The following AGMO variants were observed in gnomAD, a reference collection of about 807,000 sequenced individuals.
The protein encoded by AGMO is glyceryl-ether monooxygenase.
A neutral mutation model predicts 60.2 loss-of-function variants in AGMO; 75 were observed. The ratio of observed to expected loss-of-function variants is 1.25; its 90% CI spans 1.03 to 1.51. The LOEUF is 1.51. Ranked by LOEUF, AGMO falls within the 40% of genes most tolerant of loss-of-function variation. The probability of loss-of-function intolerance (pLI) is 0.00; values close to 1 mark genes in which losing one functional copy is unlikely to be tolerated. For missense variants in AGMO, 763 were observed against 525.5 expected (o/e 1.45, Z -4.42); for synonymous variants, 261 against 177.1 (o/e 1.47, Z -3.76).
At chr7:15,328,236 T>C (rs1419650118) in intron 12 of AGMO, among the ~76,000 whole-genome samples, 7 of 152,116 alleles carry the variant, frequency 4.6e-5, no homozygotes, top group Non-Finnish European at 8.8e-5. Context: ...TAGCTGGGAT[T>C]GCAGGTGTGT....
chr7:15,353,589 A>T (rs1782340945), intron 12 of AGMO, among the ~76,000 whole-genome samples: 1 of 152,222 alleles, frequency 6.6e-6, no homozygotes. Flanking sequence ...CTTTTTTAAA[A>T]AACTCAGTAT....
chr7:15,150,130 G>C, the AGMO span, among the ~76,000 whole-genome samples: 1 of 151,956 alleles, frequency 6.6e-6, no homozygotes, highest in Non-Finnish European at 1.5e-5. Context: ...GCATAGAAAT[G>C]CTACTGATTT....
intron 3 of AGMO, among the ~76,000 whole-genome samples, chr7:15,474,101 A>T (rs1782525031): frequency 2.0e-5 from 3 of 152,186 alleles, no homozygotes; most frequent in Admixed American, 2.0e-4. Flanking sequence ...GGAAGAATCA[A>T]TATTGTGAAA....
chr7:15,235,916 A>T (rs1782404011), intron 12 of AGMO, among the ~76,000 whole-genome samples: 1 of 152,180 alleles, frequency 6.6e-6, no homozygotes, highest in Non-Finnish European at 1.5e-5. Flanking sequence ...TTCTACAGAA[A>T]TTCCCCACCA....
At chr7:15,557,659 C>G (rs765435820) in intron 2 of AGMO, among the ~76,000 whole-genome samples, 3 of 150,952 alleles carry the variant, frequency 2.0e-5, no homozygotes, top group Non-Finnish European at 4.4e-5. Flanking sequence ...TATAACAAAA[C>G]AAAAAAATGC....
chr7:15,470,309 A>G (rs1782417276), intron 3 of AGMO, among the ~76,000 whole-genome samples: 1 of 152,086 alleles, frequency 6.6e-6, no homozygotes, highest in Admixed American at 6.6e-5. Context: ...AGTTTTTAGG[A>G]GTAAATAACA....
intron 9 of AGMO, 88 bp downstream of exon 9, chr7:15,387,318 G>A (rs528810969): frequency 1.3e-4 from 180 of 1,416,666 alleles, no homozygotes; most frequent in Admixed American, 1.2e-3. Flanking sequence ...TTACAGATTT[G>A]CATGAAAACA....
At chr7:15,515,096 T>C (rs532594793) in intron 3 of AGMO, among the ~76,000 whole-genome samples, 1 of 152,338 alleles carries the variant, frequency 6.6e-6, no homozygotes, top group East Asian at 1.9e-4. Context: ...AAGTAGCTCA[T>C]CCATTGGGTG....
At chr7:15,352,545 T>C (rs2128554392) in intron 12 of AGMO, among the ~76,000 whole-genome samples, 1 of 150,482 alleles carries the variant, frequency 6.6e-6, no homozygotes, top group South Asian at 2.1e-4. Flanking sequence ...GAGGGGGTGG[T>C]GCTTTTAAAA....
chr7:15,518,239 G>T (rs763417795), intron 3 of AGMO, among the ~76,000 whole-genome samples: 1 of 152,158 alleles, frequency 6.6e-6, no homozygotes, highest in Non-Finnish European at 1.5e-5. Flanking sequence ...AGCTGTGGGC[G>T]CAGCTTCAAC....
intron 12 of AGMO, among the ~76,000 whole-genome samples, chr7:15,255,657 C>A (rs1382526106): frequency 6.6e-6 from 1 of 151,966 alleles, no homozygotes; most frequent in East Asian, 1.9e-4. Context: ...TTAAAAAGAT[C>A]TTCATAATGA....
intron 12 of AGMO, among the ~76,000 whole-genome samples, chr7:15,336,180 T>C (rs371844757): frequency 6.6e-6 from 1 of 152,090 alleles, no homozygotes; most frequent in South Asian, 2.1e-4. Flanking sequence ...GGTCATCTCT[T>C]CTAACACATT....
chr7:15,270,241 G>A (rs1783554525), intron 12 of AGMO, among the ~76,000 whole-genome samples: 1 of 152,010 alleles, frequency 6.6e-6, no homozygotes, highest in African/African-American at 2.4e-5. Context: ...TTGTAAAAGG[G>A]TTCCCTTTTC....
chr7:15,306,962 C>T (rs923987289), intron 12 of AGMO, among the ~76,000 whole-genome samples: 8 of 151,772 alleles, frequency 5.3e-5, no homozygotes, highest in African/African-American at 1.9e-4. Flanking sequence ...TTAAAGCATA[C>T]TGAATTTTGG....
intron 3 of AGMO, among the ~76,000 whole-genome samples, chr7:15,432,379 T>TATATGTGTGTATATATATATATATATAC (rs373845365): frequency 8.1e-5 from 11 of 136,198 alleles, no homozygotes; most frequent in African/African-American, 3.1e-4. Flanking sequence ...CATATATATA[T>TATATGTGTGTATATATATATATATATAC]ACACTATCTG....
chr7:15,414,076 C>T (rs531739887), intron 5 of AGMO, among the ~76,000 whole-genome samples: 9 of 151,552 alleles, frequency 5.9e-5, no homozygotes, highest in South Asian at 2.1e-4. Context: ...GGTGTGATCT[C>T]GGTTCACTGC....
chr7:15,197,938 A>T (rs113634211), downstream of AGMO, among the ~76,000 whole-genome samples: 434 of 152,266 alleles, frequency 2.9e-3, 3 homozygotes, highest in African/African-American at 0.01. Flanking sequence ...ATTACATTTC[A>T]TGGGCCTGTA....
intron 3 of AGMO, among the ~76,000 whole-genome samples, chr7:15,509,046 T>C (rs1783603907): frequency 6.6e-6 from 1 of 152,210 alleles, no homozygotes. Flanking sequence ...CTGGCACAAA[T>C]TACTGCCTTT....
At chr7:15,467,434 A>G (rs1468182371) in intron 3 of AGMO, among the ~76,000 whole-genome samples, 3 of 152,202 alleles carry the variant, frequency 2.0e-5, no homozygotes, top group Admixed American at 6.5e-5. Context: ...CATTATTTTT[A>G]CTAGTTTTGA....
Sources: gnomAD v4.1 joint callset for allele counts (sites outside exome capture counted in the v4.1 genomes callset) on GRCh38, gnomAD v4.1.1 for gene constraint, MANE v1.5 for transcripts, NCBI Gene and HGNC (gene_info 2026-07-23, HGNC 2026-07-21) for gene names.